ASMT: variants seen among roughly 807,000 people sequenced by gnomAD.
ASMT encodes acetylserotonin O-methyltransferase, also known as acetylserotonin N-methyltransferase.
Under a neutral mutation model 41.3 loss-of-function variants are expected in ASMT, and 53 were observed. The ratio of observed to expected loss-of-function variants is 1.28; its 90% CI spans 1.03 to 1.61. ASMT has a LOEUF of 1.61. Among genes scored for constraint, ASMT ranks in the 40% most tolerant of loss-of-function variants. ASMT has a pLI of 0.00. For missense variants in ASMT, 531 were observed against 441.3 expected (o/e 1.20, Z -1.82); for synonymous variants, 231 against 184.8 (o/e 1.25, Z -2.03).
intron 1 of ASMT, among the ~76,000 whole-genome samples, chrX:1,616,715 T>C (rs1484537890): frequency 6.6e-6 from 1 of 150,888 alleles, no homozygotes; most frequent in Non-Finnish European, 1.5e-5. Flanking sequence ...CTACAAATTC[T>C]TTTTTCTTTT....
intron 1 of ASMT, among the ~76,000 whole-genome samples, chrX:1,622,796 C>T (rs1488503798): frequency 6.6e-6 from 1 of 151,598 alleles, no homozygotes; most frequent in Admixed American, 6.6e-5. Context: ...CCTGTAATCC[C>T]AGCTACTCGG....
At chrX:1,625,763 G>A (rs1167786041) in intron 3 of ASMT, among the ~76,000 whole-genome samples, 6 of 151,502 alleles carry the variant, frequency 4.0e-5, no homozygotes. Context: ...GACCATCCTG[G>A]CTAACACGGT....
Position 1,628,269 on chromosome X carries a change from T to C in ASMT, c.443+498T>C, listed in dbSNP as rs1406853852. 1.6e-3 allele frequency among the ~76,000 whole-genome samples: 250 copies of C among 152,262 alleles called. 2 individuals carry two copies. The highest frequency in any genetic ancestry group is 5.1e-3 in the African/African-American group (214 of 41,556). ...CCGGGAGGCGGAGGTTGCGGTGATC[T>C]GAGATCGCACCACTGCACTCCAGCC... On this transcript the variant is annotated intron_variant, in intron 4 of 8. Coordinates refer to ENST00000381241, the MANE Select transcript of ASMT (RefSeq NM_001171038.2).
intron 7 of ASMT, chrX:1,636,109 T>C (rs6644787): frequency 0.32 from 114,412 of 359,590 alleles, 18,886 homozygotes; most frequent in East Asian, 0.43. Flanking sequence ...GCACCCGCCA[T>C]CACGCCCGGC....
At chrX:1,636,058 C>G (rs371196787) in intron 7 of ASMT, among the ~76,000 whole-genome samples, 164 of 150,396 alleles carry the variant, frequency 1.1e-3, no homozygotes, top group African/African-American at 3.8e-3. Flanking sequence ...CGGGTTCATG[C>G]CATTCTCCTG....
At chrX:1,621,264 G>A (rs1246033838) in intron 1 of ASMT, among the ~76,000 whole-genome samples, 9 of 152,194 alleles carry the variant, frequency 5.9e-5, no homozygotes, top group African/African-American at 2.2e-4. Context: ...CCTGAGCCTT[G>A]GCACCCATCC....
chrX:1,641,774 G>C (rs1304183713), intron 8 of ASMT, among the ~76,000 whole-genome samples: 1 of 148,996 alleles, frequency 6.7e-6, no homozygotes, highest in Admixed American at 6.9e-5. Flanking sequence ...CTCTCTGTGT[G>C]TGATAAGGAC....
chrX:1,617,629 T>C (rs1172334125), intron 1 of ASMT, among the ~76,000 whole-genome samples: 1 of 151,888 alleles, frequency 6.6e-6, no homozygotes, highest in African/African-American at 2.4e-5. Context: ...TCCTTTTTTT[T>C]TTTCAGACAG....
At chrX:1,640,596 T>C (rs1194473582) in intron 8 of ASMT, among the ~76,000 whole-genome samples, 27 of 34,524 alleles carry the variant, frequency 7.8e-4, no homozygotes, top group South Asian at 5.3e-3. Flanking sequence ...CACATGAGGA[T>C]GTGGGCACAG....
At position 1,636,448 on chromosome X, in the gene ASMT, C is replaced by T. The variant is rs1165450598; in HGVS notation, c.798C>T (p.Phe266=). The T allele has an allele frequency of 1.2e-6, 2 of 1,613,896 alleles. No individual in the cohort carries two copies. Among genetic ancestry groups the T allele is most frequent in the Non-Finnish European group, 1.7e-6 (2 of 1,179,870 alleles). ...EQIDFQEGDF[F]KDPLPEADLY... is the part of the protein sequence containing the mutation. ...TGCCCTGTGTTCCAGGGGATTTCTT[C>T]AAAGACCCTCTTCCGGAAGCTGATC... The change falls in exon 8 of 9, where the codon TTC becomes TTT. Residue 266 remains phenylalanine, a synonymous_variant. Transcript: ENST00000381241.
intron 3 of ASMT, among the ~76,000 whole-genome samples, chrX:1,625,954 C>CAA (rs1310481163): frequency 0.34 from 33,315 of 98,726 alleles, 5,664 homozygotes; most frequent in East Asian, 0.53. Flanking sequence ...GACTCCATCT[C>CAA]AAAAAAAAAA....
At chrX:1,636,379 G>T (rs769131304) in intron 7 of ASMT, 59 bp from the exon 8 acceptor site, 1 of 1,613,832 alleles carries the variant, frequency 6.2e-7, no homozygotes, top group Non-Finnish European at 8.5e-7. Flanking sequence ...CCCAGAATAG[G>T]TTTAGTCAAA....
At chrX:1,633,320 T>A (rs1395374101) in intron 7 of ASMT, 30 bp downstream of exon 7, 1 of 1,613,610 alleles carries the variant, frequency 6.2e-7, no homozygotes, top group Non-Finnish European at 8.5e-7. Context: ...GAAGCAGAGA[T>A]GTGTCTCACG....
rs1397295942 is a variant in ASMT at position 1,624,171 on chromosome X, A to G, written c.245-98A>G. 2.4e-4 allele frequency: 362 copies of G among 1,481,396 alleles called. No individual in the cohort carries two copies. The Middle Eastern group carries it at 2.9e-3, about 12-fold the overall frequency. 91.8% of individuals were successfully genotyped at this position (1,481,396 alleles called of 1,614,324 possible). A position where few individuals can be genotyped will look rare whatever the true frequency, so the allele number is the denominator to read the frequency against. On this transcript the variant is annotated intron_variant, in intron 2 of 8. Transcript: ENST00000381241. ...TCTCTAAAGAAGAGATGGGCTTGTA[A>G]TCATGTTGAAATCACGATGTTGTCG... is the stretch of plus-strand genomic sequence containing the variant.
chrX:1,623,162 G>A lies in ASMT; in HGVS notation c.93G>A (p.Leu31=). The A allele has an allele frequency of 6.2e-7, 1 of 1,612,806 alleles. No homozygotes were observed. The highest frequency in any genetic ancestry group is 8.5e-7 in the Non-Finnish European group (1 of 1,179,832). The stretch of plus-strand genomic sequence containing the variant: ...AGGTTCTCTTCGCCGCCTGCGAGCT[G>A]GGCGTGTTTGACCTTCTCGCCGAGG... The part of the protein sequence containing the change: ...VSQVLFAACE[L]GVFDLLAEAP... Residue 31 remains leucine (L), a synonymous_variant, in exon 2 of 9, where the codon CTG becomes CTA. Transcript: ENST00000381241.
Position 1,624,183 on chromosome X carries a change from T to A in ASMT, c.245-86T>A, listed in dbSNP as rs768670871. 244 of 1,529,788 alleles carry A rather than the reference T, an allele frequency of 1.6e-4. 1 individual carries two copies. The highest frequency in any genetic ancestry group is 2.0e-4 in the Non-Finnish European group (218 of 1,104,864). 94.8% of individuals were successfully genotyped at this position (1,529,788 alleles called of 1,614,324 possible). A position where few individuals can be genotyped will look rare whatever the true frequency, so the allele number is the denominator to read the frequency against. ...AGATGGGCTTGTAATCATGTTGAAATCACGATGTTGTCGAGCTGGGGAGCG... is the reference window on the plus strand; with the variant it reads ...AGATGGGCTTGTAATCATGTTGAAAACACGATGTTGTCGAGCTGGGGAGCG... On this transcript the variant is annotated intron_variant, in intron 2 of 8. Coordinates refer to ENST00000381241, the MANE Select transcript of ASMT (RefSeq NM_001171038.2).
chrX:1,616,071 C>G (rs757460146), intron 1 of ASMT, among the ~76,000 whole-genome samples: 4 of 151,868 alleles, frequency 2.6e-5, no homozygotes, highest in Admixed American at 1.3e-4. Context: ...CTCTGTAACC[C>G]AGGCTGGAGT....
rs1226801576 is a variant in ASMT at position 1,636,967 on chromosome X, TGGC to T, written c.910+408_910+410del. ...CTCCTGTGAGGTCCATCCATCCTGA[TGGC>T]ACATGAGGATGTGGGCACAGCCTCT... is the stretch of plus-strand genomic sequence containing the variant. On this transcript the variant is annotated intron_variant, in intron 8 of 8. Transcript: ENST00000381241. 1.1e-4 allele frequency among the ~76,000 whole-genome samples: 9 copies of T among 78,286 alleles called. 1 individual carries two copies. The East Asian group carries it at 3.0e-3, about 26-fold the overall frequency. The allele number at this position is 78,286 out of a possible 152,430, so 51.4% of individuals were successfully genotyped here. A position where few individuals can be genotyped will look rare whatever the true frequency, so the allele number is the denominator to read the frequency against.
chrX:1,618,018 G>A (rs767857431), intron 1 of ASMT, among the ~76,000 whole-genome samples: 11 of 151,754 alleles, frequency 7.2e-5, no homozygotes, highest in African/African-American at 1.2e-4. Flanking sequence ...GGCCCCCAAG[G>A]GTTAAAAATA....
Sources: gnomAD v4.1 joint callset for allele counts (sites outside exome capture counted in the v4.1 genomes callset) on GRCh38, gnomAD v4.1.1 for gene constraint, MANE v1.5 for transcripts, NCBI Gene and HGNC (gene_info 2026-07-23, HGNC 2026-07-21) for gene names.